The following CRYM variants were observed in gnomAD, a reference collection of about 807,000 sequenced individuals.
CRYM encodes crystallin mu.
In CRYM, 18 loss-of-function variants were observed where a neutral mutation model predicts 32.9. The ratio of observed to expected loss-of-function variants is 0.55; its 90% CI spans 0.38 to 0.81. The LOEUF is 0.81. Ranked by LOEUF, CRYM falls within the 30% of genes least tolerant of loss-of-function variation. The probability of loss-of-function intolerance (pLI) is 0.00; values close to 1 mark genes in which losing one functional copy is unlikely to be tolerated. For synonymous variants in CRYM, 153 were observed against 152.4 expected (o/e 1.00, Z -0.03); for missense variants, 337 against 393.5 (o/e 0.86, Z 1.21).
chr16:21,296,391 T>C (rs531443494), intron 1 of CRYM, among the ~76,000 whole-genome samples: 2 of 152,228 alleles, frequency 1.3e-5, no homozygotes, highest in African/African-American at 4.8e-5. Flanking sequence ...TAAGGCAATA[T>C]CAATTCAAAA....
At chr16:21,296,748 C>T (rs946600315) in intron 1 of CRYM, among the ~76,000 whole-genome samples, 3 of 152,334 alleles carry the variant, frequency 2.0e-5, no homozygotes, top group East Asian at 3.9e-4. Flanking sequence ...CGGGGGCTCA[C>T]GCCTGTAATC....
Position 21,275,563 on chromosome 16 carries a change from C to G in CRYM, c.356G>C (p.Arg119Thr). 1.9e-6 allele frequency: 3 copies of G among 1,614,066 alleles called. No individual in the cohort carries two copies. Among genetic ancestry groups the G allele is most frequent in the Non-Finnish European group, 2.5e-6 (3 of 1,179,948 alleles). ...GGCAATGGCAGAAACTGCAGCTGTT[C>G]TCTTTGCAGTTATGACATTTCCATC... Reference protein sequence around the residue: ...VMDGNVITAKRTAAVSAIATK... With the variant: ...VMDGNVITAKTTAAVSAIATK... The change falls in exon 3 of 8, where the codon AGA (arginine) becomes ACA (threonine). Residue 119 changes from arginine (R) to threonine (T), a missense_variant. Transcript: ENST00000572914.
intron 1 of CRYM, among the ~76,000 whole-genome samples, chr16:21,289,639 T>G (rs766636624): frequency 5.3e-5 from 8 of 152,120 alleles, no homozygotes; most frequent in Non-Finnish European, 1.0e-4. Flanking sequence ...ATTTACATAT[T>G]AGGTGCAAAC....
intron 3 of CRYM, among the ~76,000 whole-genome samples, chr16:21,272,816 A>ATT (rs60416570): frequency 0.014 from 580 of 42,306 alleles, 17 homozygotes; most frequent in East Asian, 0.043. Flanking sequence ...TGCCCAGCTA[A>ATT]TTTTTTTTTT....
chr16:21,266,503 C>T (rs1163066368), intron 5 of CRYM, among the ~76,000 whole-genome samples: 7 of 152,106 alleles, frequency 4.6e-5, no homozygotes, highest in Non-Finnish European at 1.0e-4. Context: ...GCCCCAGGCA[C>T]CCTCATGTCT....
At chr16:21,282,674 TAATA>T (rs1258355990), upstream of CRYM, among the ~76,000 whole-genome samples, 14 of 152,098 alleles carry the variant, frequency 9.2e-5, no homozygotes, top group Admixed American at 1.3e-4. Context: ...GAAACCTCAA[TAATA>T]GGAATTCACT....
upstream of CRYM, among the ~76,000 whole-genome samples, chr16:21,279,363 T>C (rs745808469): frequency 1.3e-5 from 2 of 152,222 alleles, no homozygotes; most frequent in African/African-American, 2.4e-5. Flanking sequence ...TGCCCATGGT[T>C]GGACTTCAGA....
At chr16:21,301,408 A>ATGGGTGTGCGCAAGGGACGAGG in intron 1 of CRYM, 1 of 134,886 alleles carries the variant, frequency 7.4e-6, no homozygotes, top group African/African-American at 2.6e-5. Flanking sequence ...AAGGGACGAG[A>ATGGGTGTGCGCAAGGGACGAGG]TGGGTGTGCG....
At chr16:21,262,975 C>G (rs2093357374) in intron 5 of CRYM, among the ~76,000 whole-genome samples, 1 of 152,238 alleles carries the variant, frequency 6.6e-6, no homozygotes, top group Non-Finnish European at 1.5e-5. Flanking sequence ...GGTGCTTATT[C>G]ACACCTCACT....
Position 21,262,022 on chromosome 16 carries a change from T to A in CRYM, c.795+15A>T, listed in dbSNP as rs1393134847. ...AGCCAGGTGGCAGCCCTGACTGGGGTCAGAAGGGCCTCACCCCTGACAGCA... is the reference window on the plus strand; with the variant it reads ...AGCCAGGTGGCAGCCCTGACTGGGGACAGAAGGGCCTCACCCCTGACAGCA... On this transcript the variant is annotated intron_variant, in intron 6 of 7. Coordinates refer to ENST00000572914, the MANE Select transcript of CRYM (RefSeq NM_001376256.1). 6.2e-7 allele frequency: 1 copy of A among 1,613,246 alleles called. No homozygotes were observed. Among genetic ancestry groups the A allele is most frequent in the Non-Finnish European group, 8.5e-7 (1 of 1,179,702 alleles).
At chr16:21,294,117 A>G (rs891048186) in intron 1 of CRYM, among the ~76,000 whole-genome samples, 2 of 152,208 alleles carry the variant, frequency 1.3e-5, no homozygotes, top group African/African-American at 4.8e-5. Context: ...ACTATGGAAA[A>G]CAATCAAAAG....
At chr16:21,269,682 G>T (rs922744171) in intron 4 of CRYM, 108 bp downstream of exon 4, 3 of 767,884 alleles carry the variant, frequency 3.9e-6, no homozygotes, top group Non-Finnish European at 4.5e-6. Context: ...TCTAGATGGG[G>T]CTCACAACTT....
intron 1 of CRYM, among the ~76,000 whole-genome samples, chr16:21,302,707 C>T (rs1476787479): frequency 6.6e-6 from 1 of 152,094 alleles, no homozygotes; most frequent in African/African-American, 2.4e-5. Context: ...AGGCTCCTAC[C>T]CTCCCACAGA....
chr16:21,267,319 A>C (rs1330911703), intron 5 of CRYM, among the ~76,000 whole-genome samples: 2 of 152,022 alleles, frequency 1.3e-5, no homozygotes, highest in Admixed American at 1.3e-4. Flanking sequence ...GTTAGTCTTA[A>C]ACTCCTGGCC....
chr16:21,266,352 G>C (rs906440565), intron 5 of CRYM, among the ~76,000 whole-genome samples: 2 of 152,116 alleles, frequency 1.3e-5, no homozygotes, highest in African/African-American at 4.8e-5. Context: ...TTGGTTATAA[G>C]TATTAAATGA....
At chr16:21,264,949 G>A (rs2093361142) in intron 5 of CRYM, among the ~76,000 whole-genome samples, 1 of 152,194 alleles carries the variant, frequency 6.6e-6, no homozygotes, top group African/African-American at 2.4e-5. Context: ...CAGCCCGGAT[G>A]TTGCCCAATT....
intron 6 of CRYM, chr16:21,261,596 A>G: frequency 1.8e-6 from 1 of 556,070 alleles, no homozygotes; most frequent in Non-Finnish European, 3.2e-6. Flanking sequence ...TGTCCTGCCA[A>G]GATCATTGTG....
chr16:21,266,740 C>T (rs1481865865), intron 5 of CRYM, among the ~76,000 whole-genome samples: 1 of 152,182 alleles, frequency 6.6e-6, no homozygotes, highest in Non-Finnish European at 1.5e-5. Flanking sequence ...GTGGCTCATA[C>T]TTGTAATCAG....
intron 1 of CRYM, among the ~76,000 whole-genome samples, chr16:21,302,020 A>C (rs1960957270): frequency 6.6e-6 from 1 of 152,218 alleles, no homozygotes; most frequent in African/African-American, 2.4e-5. Flanking sequence ...GCGACCCCCA[A>C]ACAAAACTCA....
Sources: allele counts gnomAD v4.1 joint callset (sites outside exome capture counted in the v4.1 genomes callset), GRCh38; gene constraint gnomAD v4.1.1; transcripts MANE v1.5; gene names NCBI Gene and HGNC (gene_info 2026-07-23, HGNC 2026-07-21).